Variants in ANKRD36 observed in about 807,000 individuals in gnomAD.
ANKRD36 encodes ankyrin repeat domain 36.
In ANKRD36, 179 loss-of-function variants were observed where a neutral mutation model predicts 278.1. That is an observed-to-expected ratio of 0.64 (90% CI 0.57 to 0.73). ANKRD36 has a LOEUF of 0.73. Among genes scored for constraint, ANKRD36 ranks in the 30% least tolerant of loss-of-function variants. ANKRD36 has a pLI of 0.00. For synonymous variants in ANKRD36, 320 were observed against 641.1 expected (o/e 0.50, Z 7.57); for missense variants, 1,159 against 1,956.7 (o/e 0.59, Z 7.69).
chr2:97,207,028 G>A (rs981977326), intron 52 of ANKRD36, among the ~76,000 whole-genome samples: 1 of 151,542 alleles, frequency 6.6e-6, no homozygotes, highest in African/African-American at 2.4e-5. Context: ...AATGAATATT[G>A]CAGTGATTTC....
At chr2:97,227,432 G>A (rs544366706) in intron 67 of ANKRD36, among the ~76,000 whole-genome samples, 1 of 152,216 alleles carries the variant, frequency 6.6e-6, no homozygotes, top group South Asian at 2.1e-4. Flanking sequence ...CTGTTTGTCT[G>A]TTATTGGTGT....
rs141405120 is a variant in ANKRD36, at chr2:97,183,058, A to G, written c.1838-401A>G. Among the ~76,000 whole-genome samples the G allele has an allele frequency of 6.1e-3, 925 of 151,840 alleles. 7 individuals carry two copies. The highest frequency in any genetic ancestry group is 0.01 in the Admixed American group (159 of 15,164). On this transcript the variant is annotated intron_variant, in intron 26 of 75. Coordinates refer to ENST00000420699, the MANE Select transcript of ANKRD36 (RefSeq NM_001354587.1). ...TGATGAATACTTGCAGTATAATGGT[A>G]TAAATCCTTCTGATGTCTTGCATGA...
chr2:97,124,724 CAAGTTTTT>C (rs2153417724), intron 5 of ANKRD36, 127 bp downstream of exon 5: 1 of 1,207,446 alleles, frequency 8.3e-7, no homozygotes, highest in African/African-American at 1.6e-5. Context: ...GACAAATTTT[CAAGTTTTT>C]AAGTTTTCGA....
chr2:97,146,857 C>T (rs2044391042), intron 11 of ANKRD36, among the ~76,000 whole-genome samples: 3 of 151,670 alleles, frequency 2.0e-5, no homozygotes, highest in South Asian at 2.1e-4. Flanking sequence ...AATGCGATCA[C>T]GGTACTGGTG....
At chr2:97,184,274 A>AG (rs1226884050) in intron 28 of ANKRD36, among the ~76,000 whole-genome samples, 2 of 151,790 alleles carry the variant, frequency 1.3e-5, no homozygotes, top group Non-Finnish European at 2.9e-5. Context: ...GGAATCAGGA[A>AG]GGAGTGCTAG....
chr2:97,181,848 C>T (rs2056315225), intron 26 of ANKRD36, 55 bp downstream of exon 26: 5 of 1,164,090 alleles, frequency 4.3e-6, no homozygotes, highest in Non-Finnish European at 6.4e-6. Context: ...AAAAGTACTT[C>T]TCTTCCCCGA....
intron 11 of ANKRD36, among the ~76,000 whole-genome samples, chr2:97,149,075 G>A (rs1261501167): frequency 2.0e-5 from 3 of 151,748 alleles, no homozygotes; most frequent in Non-Finnish European, 4.4e-5. Context: ...TTCATAGGTT[G>A]GGAGAAGTGG....
At chr2:97,202,766 G>C (rs1190853479) in intron 48 of ANKRD36, among the ~76,000 whole-genome samples, 2 of 151,766 alleles carry the variant, frequency 1.3e-5, no homozygotes, top group East Asian at 3.9e-4. Context: ...AAAACAGACA[G>C]AAAACTTCTT....
chr2:97,139,591 G>A lies in ANKRD36; in HGVS notation c.800-3049G>A, dbSNP rs544308230. ...GCTCTCTTCGTGTTGATACCATATG[G>A]ACATAAATATGGTGACATACCAGCA... On this transcript the variant is annotated intron_variant, in intron 6 of 75. Coordinates refer to ENST00000420699, the MANE Select transcript of ANKRD36 (RefSeq NM_001354587.1). 7.2e-5 allele frequency among the ~76,000 whole-genome samples: 11 copies of A among 152,086 alleles called. No individual in the cohort carries two copies. The South Asian group carries it at 2.3e-3, about 32-fold the overall frequency.
At chr2:97,225,464 A>T (rs1386846266) in intron 67 of ANKRD36, among the ~76,000 whole-genome samples, 1 of 152,028 alleles carries the variant, frequency 6.6e-6, no homozygotes, top group Non-Finnish European at 1.5e-5. Context: ...TGCCTAATGT[A>T]TTTCAATATA....
At chr2:97,206,513 C>T (rs2062888200) in intron 52 of ANKRD36, among the ~76,000 whole-genome samples, 1 of 151,400 alleles carries the variant, frequency 6.6e-6, no homozygotes. Flanking sequence ...AGACAGAAAA[C>T]TTGTTGTAAT....
rs1377641338 is a variant in ANKRD36 at position 97,113,673 on chromosome 2, T to A, written c.-67T>A. On this transcript the variant is annotated 5_prime_UTR_variant, in exon 1 of 76. Coordinates refer to ENST00000420699, the MANE Select transcript of ANKRD36 (RefSeq NM_001354587.1). ...AGACTGCTTTGCTCGTTGTTGCTCT[T>A]CGGAGGCGGCGATCCCCGAAGGCGA... 2.7e-5 allele frequency: 43 copies of A among 1,603,564 alleles called. No individual in the cohort carries two copies. The highest frequency in any genetic ancestry group is 3.3e-5 in the Non-Finnish European group (39 of 1,174,996).
chr2:97,219,345 T>A, intron 66 of ANKRD36, 99 bp downstream of exon 66: 1 of 1,332,720 alleles, frequency 7.5e-7, no homozygotes, highest in East Asian at 2.7e-5. Flanking sequence ...CTTTTTATAT[T>A]TTATTTCAGG....
intron 22 of ANKRD36, among the ~76,000 whole-genome samples, chr2:97,172,831 A>ATGTGTGTGTGTG (rs368506104): frequency 1.4e-5 from 2 of 146,388 alleles, no homozygotes; most frequent in African/African-American, 2.5e-5. Flanking sequence ...TTGTGTGTGA[A>ATGTGTGTGTGTG]TGTGTGTGTG....
chr2:97,144,801 C>A (rs567625851), intron 10 of ANKRD36, 89 bp downstream of exon 10: 6 of 1,441,998 alleles, frequency 4.2e-6, no homozygotes, highest in Non-Finnish European at 5.6e-6. Flanking sequence ...CTCATTGAAG[C>A]TGCGCATTCT....
intron 22 of ANKRD36, among the ~76,000 whole-genome samples, chr2:97,175,968 G>C (rs2054120653): frequency 6.6e-6 from 1 of 151,884 alleles, no homozygotes; most frequent in Admixed American, 6.6e-5. Context: ...ATTCTAGTTT[G>C]ATTGCACTGT....
At chr2:97,154,810 C>G in intron 15 of ANKRD36, 69 bp downstream of exon 15, 1 of 1,232,472 alleles carries the variant, frequency 8.1e-7, no homozygotes, top group Non-Finnish European at 1.1e-6. Flanking sequence ...TTTCTTCTAG[C>G]AAATAATAGG....
rs1217399729 is a variant in ANKRD36, at chr2:97,118,065, A to C, written c.199A>C (p.Thr67Pro). Residue 67 changes from threonine (T) to proline (P), a missense_variant and splice_region_variant, in exon 2 of 76, where the codon ACC becomes CCC. Physicochemically the swap from Thr to Pro is conservative, Grantham distance 38 (BLOSUM62 -1). Coordinates refer to ENST00000420699, the MANE Select transcript of ANKRD36 (RefSeq NM_001354587.1). ...DANKRDRKER[T>P]ALHLACATGQ... ...TAAAAAGTCCTGTCACTCTCACAGG[A>C]CCGCCCTACATTTGGCCTGTGCCAC... 2.6e-6 allele frequency: 4 copies of C among 1,552,942 alleles called. No individual in the cohort carries two copies. The highest frequency in any genetic ancestry group is 3.5e-6 in the Non-Finnish European group (4 of 1,147,624).
chr2:97,202,085 T>C (rs2061530094), intron 46 of ANKRD36, 117 bp from the exon 47 acceptor site: 11 of 1,557,296 alleles, frequency 7.1e-6, no homozygotes, highest in Non-Finnish European at 9.5e-6. Flanking sequence ...GTAGAAGCCA[T>C]GAAGGCCTAT....
Sources: gnomAD v4.1 joint callset for allele counts (sites outside exome capture counted in the v4.1 genomes callset) on GRCh38, gnomAD v4.1.1 for gene constraint, MANE v1.5 for transcripts, NCBI Gene and HGNC (gene_info 2026-07-23, HGNC 2026-07-21) for gene names.